The following STON2 variants were observed in gnomAD, a reference collection of about 807,000 sequenced individuals.
STON2 encodes the protein stonin 2.
In STON2, 29 loss-of-function variants were observed where a neutral mutation model predicts 65.7. That is an observed-to-expected ratio of 0.44 (90% confidence interval 0.33 to 0.60). STON2 has a LOEUF of 0.60. STON2 is among the 20% of genes least tolerant of loss of function. The pLI is 0.03. For missense variants in STON2, 1,054 were observed against 1,118.1 expected, an observed-to-expected ratio of 0.94 and a Z score of 0.82; for synonymous variants, 404 against 414.2, an observed-to-expected ratio of 0.98 and a Z score of 0.30.
intron 4 of STON2, among the ~76,000 whole-genome samples, chr14:81,346,121 A>G (rs948623638): frequency 9.2e-5 from 14 of 152,220 alleles, no homozygotes; most frequent in African/African-American, 2.4e-4. Flanking sequence ...CTTTGACCCA[A>G]TGAAAGTTGT....
At chr14:81,381,037 A>G (rs1431751320) in intron 3 of STON2, among the ~76,000 whole-genome samples, 1 of 152,216 alleles carries the variant, frequency 6.6e-6, no homozygotes, top group Non-Finnish European at 1.5e-5. Context: ...GCAGAATCAT[A>G]CTATTTAGAA....
At chr14:81,431,035 T>G (rs75812737) in intron 1 of STON2, among the ~76,000 whole-genome samples, 2,056 of 152,182 alleles carry the variant, frequency 0.014, 50 homozygotes, top group African/African-American at 0.047. Flanking sequence ...CACCATAGAA[T>G]AGATCAAGTG....
rs531825959 is a variant in STON2 at position 81,366,729 on chromosome 14, A to G, written c.571+4259T>C. Among the ~76,000 whole-genome samples, 8 of 152,170 alleles carry G rather than the reference A, an allele frequency of 5.3e-5. No homozygotes were observed. The South Asian group carries it at 1.7e-3, about 32-fold the overall frequency. On this transcript the variant is annotated intron_variant, in intron 4 of 7. Coordinates refer to ENST00000614646, the MANE Select transcript of STON2 (RefSeq NM_001394390.1). ...CTTCTCAGATCTCATTCCACATGCT[A>G]TAGTTTGAGTAACAGCTTTCTTTGG...
rs369918161 is a variant in STON2, at chr14:81,398,288, T to C, written c.88+7A>G. 366 of 1,607,116 alleles carry C rather than the reference T, an allele frequency of 2.3e-4. No individual in the cohort carries two copies. Among genetic ancestry groups the C allele is most frequent in the Non-Finnish European group, 2.1e-4 (241 of 1,174,680 alleles). On this transcript the variant is annotated splice_region_variant and intron_variant, in intron 2 of 7. Coordinates refer to ENST00000614646, the MANE Select transcript of STON2 (RefSeq NM_001394390.1). Reference sequence around the variant, plus strand: ...TCTTCACTTTAGGAAACGAAGGCACTCCTTACCCTGCGAGTGGGCAGGAAA... The same window carrying C: ...TCTTCACTTTAGGAAACGAAGGCACCCCTTACCCTGCGAGTGGGCAGGAAA...
At position 81,276,965 on chromosome 14, in the gene STON2, GGCA is replaced by G; in HGVS notation, c.2514_2516del (p.Ala839del). The G allele has an allele frequency of 6.2e-7, 1 of 1,614,176 alleles. No homozygotes were observed. Among genetic ancestry groups the G allele is most frequent in the Non-Finnish European group, 8.5e-7 (1 of 1,180,032 alleles). ...TGGAGTTGAAGGCATGCTCGTACTT[GGCA>G]GTTCCCAGAGTTACTCTCATGACAG... is the stretch of plus-strand genomic sequence containing the variant. On this transcript the variant is annotated inframe_deletion, in exon 6 of 8. Coordinates refer to ENST00000614646, the MANE Select transcript of STON2 (RefSeq NM_001394390.1).
At position 81,308,793 on chromosome 14, in the gene STON2, T is replaced by TACCC. The variant is rs1244826999; in HGVS notation, c.742+15223_742+15224insGGGT. Among the ~76,000 whole-genome samples the TACCC allele has an allele frequency of 2.3e-4, 4 of 17,114 alleles. No individual in the cohort carries two copies. In the South Asian group the frequency reaches 6.2e-3, roughly 27 times the overall value. 11.2% of individuals were successfully genotyped at this position (17,114 alleles called of 152,430 possible). A position where few individuals can be genotyped will look rare whatever the true frequency, so the allele number is the denominator to read the frequency against. On this transcript the variant is annotated intron_variant, in intron 5 of 7. Coordinates refer to ENST00000614646, the MANE Select transcript of STON2 (RefSeq NM_001394390.1). ...ACATGGTTTTACCCATATATATATA[T>TACCC]ATATATATATATATATATATATATA...
chr14:81,308,105 TG>T (rs571049178), intron 5 of STON2, among the ~76,000 whole-genome samples: 4 of 152,210 alleles, frequency 2.6e-5, no homozygotes, highest in Non-Finnish European at 5.9e-5. Flanking sequence ...TGAATATAAA[TG>T]GGTTCTGAAA....
chr14:81,331,591 T>C (rs569617793), intron 4 of STON2, among the ~76,000 whole-genome samples: 77 of 152,270 alleles, frequency 5.1e-4, no homozygotes, highest in African/African-American at 1.8e-3. Flanking sequence ...TGCCCACCAA[T>C]ACAACGAATG....
chr14:81,261,749 C>T lies in STON2; in HGVS notation c.*6665G>A. 4.1e-6 allele frequency: 6 copies of T among 1,476,740 alleles called. No homozygotes were observed. Among genetic ancestry groups the T allele is most frequent in the Non-Finnish European group, 5.4e-6 (6 of 1,121,058 alleles). The allele number at this position is 1,476,740 out of a possible 1,614,324, so 91.5% of individuals were successfully genotyped here. ...TCAGGTAGCACCCAAATCCTAACAT[C>T]TATTTTGGAGACCTGTCTGTGCCTC... On this transcript the variant is annotated 3_prime_UTR_variant, in exon 8 of 8. Coordinates refer to ENST00000614646, the MANE Select transcript of STON2 (RefSeq NM_001394390.1).
chr14:81,427,660 T>A (rs1211827651), intron 1 of STON2, among the ~76,000 whole-genome samples: 2 of 150,456 alleles, frequency 1.3e-5, no homozygotes, highest in Non-Finnish European at 3.0e-5. Flanking sequence ...AGATCCTCAC[T>A]CCCTAACTCA....
At position 81,425,407 on chromosome 14, in the gene STON2, C is replaced by T. The variant is rs140292086; in HGVS notation, c.-199+1695G>A. Among the ~76,000 whole-genome samples, 85 of 152,106 alleles carry T rather than the reference C, an allele frequency of 5.6e-4. 2 individuals carry two copies. The South Asian group carries it at 0.011, about 20-fold the overall frequency. On this transcript the variant is annotated intron_variant, in intron 2 of 8. Coordinates refer to the STON2 transcript ENST00000553821. ...AGCCAACAAAGTGAAACTCCATCTC[C>T]ACTACCAACACAAAATTAGCTGGGC...
chr14:81,348,241 T>C (rs970305100), intron 4 of STON2, among the ~76,000 whole-genome samples: 3 of 152,108 alleles, frequency 2.0e-5, no homozygotes, highest in Non-Finnish European at 4.4e-5. Flanking sequence ...CTATTCATCA[T>C]AGTACTGGAA....
intron 3 of STON2, among the ~76,000 whole-genome samples, chr14:81,380,179 G>C (rs1356940434): frequency 6.6e-6 from 1 of 152,094 alleles, no homozygotes; most frequent in Admixed American, 6.6e-5. Flanking sequence ...ATGGGCAAAG[G>C]CCATGAACAG....
intron 4 of STON2, among the ~76,000 whole-genome samples, chr14:81,343,204 T>C (rs1010487050): frequency 6.6e-6 from 1 of 151,922 alleles, no homozygotes; most frequent in African/African-American, 2.4e-5. Context: ...AGGGGGAGAA[T>C]TGGATTGATA....
chr14:81,411,173 TTCAACCA>T (rs1901139309), intron 2 of STON2, among the ~76,000 whole-genome samples: 1 of 152,168 alleles, frequency 6.6e-6, no homozygotes, highest in Non-Finnish European at 1.5e-5. Flanking sequence ...CCAATGGCAA[TTCAACCA>T]GTTTTCTGGA....
chr14:81,318,368 C>T (rs976887720), intron 5 of STON2, among the ~76,000 whole-genome samples: 2 of 152,132 alleles, frequency 1.3e-5, no homozygotes, highest in African/African-American at 4.8e-5. Context: ...AGAGGATGCA[C>T]ACTTCTCTGC....
chr14:81,358,067 A>C (rs1049849874), intron 4 of STON2, among the ~76,000 whole-genome samples: 2 of 152,134 alleles, frequency 1.3e-5, no homozygotes, highest in African/African-American at 4.8e-5. Flanking sequence ...AAAAAAAAAG[A>C]AAGCACAAAA....
intron 4 of STON2, among the ~76,000 whole-genome samples, chr14:81,356,345 C>T (rs925997651): frequency 6.6e-6 from 1 of 152,108 alleles, no homozygotes; most frequent in Non-Finnish European, 1.5e-5. Flanking sequence ...GCCTTGCATC[C>T]CAGGGATGAA....
intron 1 of STON2, chr14:81,427,324 C>T (rs1461549573): frequency 6.6e-6 from 1 of 152,268 alleles, no homozygotes; most frequent in Non-Finnish European, 1.5e-5. Flanking sequence ...TATTCTCTAC[C>T]CTCTTCACAG....
Sources: allele counts gnomAD v4.1 joint callset (sites outside exome capture counted in the v4.1 genomes callset), GRCh38; gene constraint gnomAD v4.1.1; transcripts MANE v1.5; gene names NCBI Gene and HGNC (gene_info 2026-07-23, HGNC 2026-07-21).